The following ARHGAP11B variants were observed in gnomAD, a reference collection of about 807,000 sequenced individuals.
ARHGAP11B encodes the protein inactive Rho GTPase-activating protein 11B.
Under a neutral mutation model 27.6 loss-of-function variants are expected in ARHGAP11B, and 14 were observed. The ratio of observed to expected loss-of-function variants is 0.51; its 90% CI spans 0.34 to 0.79. ARHGAP11B has a LOEUF of 0.79. ARHGAP11B is among the 30% of genes least tolerant of loss of function. The pLI is 0.02. For missense variants in ARHGAP11B, 245 were observed against 320.1 expected (o/e 0.77, Z 1.79); for synonymous variants, 82 against 114.1 (o/e 0.72, Z 1.80).
chr15:30,639,463 T>G (rs903702730), intron 7 of ARHGAP11B, among the ~76,000 whole-genome samples: 1 of 151,610 alleles, frequency 6.6e-6, no homozygotes, highest in Non-Finnish European at 1.5e-5. Flanking sequence ...GTGTTTTAGT[T>G]AAACAACATC....
At chr15:30,626,719 C>G in exon 1 of ARHGAP11B, 1 of 1,491,022 alleles carries the variant, frequency 6.7e-7, no homozygotes, top group Non-Finnish European at 9.0e-7. Flanking sequence ...CGGAAAGCAG[C>G]CGAGCGGAGT....
chr15:30,642,118 A>G (rs1056242840), intron 7 of ARHGAP11B, among the ~76,000 whole-genome samples: 2 of 151,954 alleles, frequency 1.3e-5, no homozygotes, highest in African/African-American at 4.8e-5. Flanking sequence ...AGCTAAATGC[A>G]CCCAAAAGTT....
At chr15:30,646,022 T>C (rs1158082399) in intron 8 of ARHGAP11B, 1 of 219,492 alleles carries the variant, frequency 4.6e-6, no homozygotes, top group Non-Finnish European at 8.0e-6. Flanking sequence ...TTTATCCTCA[T>C]CTTAGTTGTC....
chr15:30,645,618 C>T (rs1049518025), intron 8 of ARHGAP11B, among the ~76,000 whole-genome samples: 1 of 151,996 alleles, frequency 6.6e-6, no homozygotes, highest in Non-Finnish European at 1.5e-5. Flanking sequence ...GGGGGTATCA[C>T]ATTTCCTAGA....
At chr15:30,626,363 C>G (rs2060206181) in exon 1 of ARHGAP11B, 2 of 155,092 alleles carry the variant, frequency 1.3e-5, no homozygotes, top group African/African-American at 2.4e-5. Context: ...GGGGCGAGCG[C>G]CCAGTTGAGC....
intron 8 of ARHGAP11B, among the ~76,000 whole-genome samples, chr15:30,645,352 T>C (rs1364123028): frequency 2.0e-5 from 3 of 151,932 alleles, no homozygotes; most frequent in African/African-American, 7.2e-5. Context: ...TTAAATAAAC[T>C]AGCTAAGGGT....
exon 1 of ARHGAP11B, chr15:30,626,777 G>T (rs760282309): frequency 2.5e-6 from 4 of 1,594,726 alleles, no homozygotes; most frequent in Admixed American, 3.5e-5. Context: ...GGCGAACGAG[G>T]GTCAGGACCT....
chr15:30,635,212 A>G, intron 5 of ARHGAP11B, 24 bp downstream of exon 5: 1 of 1,589,616 alleles, frequency 6.3e-7, no homozygotes, highest in Non-Finnish European at 8.5e-7. Context: ...CTGCAGTAGT[A>G]CAGACTCTTA....
chr15:30,642,678 G>C (rs2060322541), intron 7 of ARHGAP11B, among the ~76,000 whole-genome samples: 1 of 151,946 alleles, frequency 6.6e-6, no homozygotes, highest in Admixed American at 6.6e-5. Context: ...CATTTAGTAA[G>C]TGATGGAGCA....
At chr15:30,633,938 T>C (rs2060262035) in intron 3 of ARHGAP11B, among the ~76,000 whole-genome samples, 1 of 151,776 alleles carries the variant, frequency 6.6e-6, no homozygotes, top group Non-Finnish European at 1.5e-5. Context: ...GGCAGGAAGA[T>C]TGCTTGAGCC....
Position 30,628,079 on chromosome 15 carries a change from C to CTT in ARHGAP11B, c.129+1142_129+1143dup, listed in dbSNP as rs371979874. Reference sequence around the variant, plus strand: ...TTTTCACCCCTTTTCTTTTCTTTTCCTTTTTTTTTTTTTGTTTTTGAGATG... The same window carrying CTT: ...TTTTCACCCCTTTTCTTTTCTTTTCCTTTTTTTTTTTTTTTGTTTTTGAGATG... On this transcript the variant is annotated intron_variant, in intron 1 of 10. Coordinates refer to ENST00000428041, the Ensembl canonical transcript of ARHGAP11B. 9.7e-4 allele frequency among the ~76,000 whole-genome samples: 137 copies of CTT among 141,014 alleles called. 1 individual carries two copies. Among genetic ancestry groups the CTT allele is most frequent in the Non-Finnish European group, 1.3e-3 (83 of 64,850 alleles). 92.5% of individuals were successfully genotyped at this position (141,014 alleles called of 152,430 possible).
At chr15:30,643,073 T>C (rs2060324640) in intron 7 of ARHGAP11B, among the ~76,000 whole-genome samples, 1 of 151,986 alleles carries the variant, frequency 6.6e-6, no homozygotes, top group Non-Finnish European at 1.5e-5. Context: ...AAAGGAAAAA[T>C]AAAACATGAG....
chr15:30,644,626 T>C, intron 7 of ARHGAP11B: 1 of 1,548,792 alleles, frequency 6.5e-7, no homozygotes, highest in South Asian at 1.1e-5. Context: ...GGTTTTATTT[T>C]TTTTAACCAC....
At chr15:30,640,394 C>T (rs2060308339) in intron 7 of ARHGAP11B, among the ~76,000 whole-genome samples, 1 of 121,386 alleles carries the variant, frequency 8.2e-6, no homozygotes, top group African/African-American at 3.1e-5. Flanking sequence ...TGTGGCCAAC[C>T]AGAGCCTTCA....
exon 4 of ARHGAP11B, chr15:30,634,417 C>G (rs915040224): frequency 3.1e-6 from 5 of 1,605,572 alleles, no homozygotes; most frequent in Non-Finnish European, 4.2e-6. Context: ...AGGAATGTTT[C>G]TCTTAGGTAA....
At chr15:30,641,234 A>C (rs1269332752) in intron 7 of ARHGAP11B, among the ~76,000 whole-genome samples, 2 of 152,024 alleles carry the variant, frequency 1.3e-5, no homozygotes, top group African/African-American at 4.8e-5. Context: ...AAAATTGAAA[A>C]TAGATTGATT....
intron 10 of ARHGAP11B, among the ~76,000 whole-genome samples, chr15:30,648,148 C>T (rs2060362762): frequency 6.6e-6 from 1 of 152,004 alleles, no homozygotes; most frequent in South Asian, 2.1e-4. Context: ...ACCCTGATCC[C>T]TGTGTATTAA....
At chr15:30,637,362 T>A (rs1384670773) in intron 6 of ARHGAP11B, among the ~76,000 whole-genome samples, 1 of 152,134 alleles carries the variant, frequency 6.6e-6, no homozygotes, top group East Asian at 1.9e-4. Flanking sequence ...GTTCTACCTC[T>A]TCCTCTACCA....
chr15:30,633,202 A>G (rs1393001084), intron 2 of ARHGAP11B, among the ~76,000 whole-genome samples: 5 of 151,124 alleles, frequency 3.3e-5, no homozygotes, highest in South Asian at 2.1e-4. Context: ...GTAGAGGCAG[A>G]AAAAAAAGAC....
Sources: allele counts gnomAD v4.1 joint callset (sites outside exome capture counted in the v4.1 genomes callset), GRCh38; gene constraint gnomAD v4.1.1; transcripts MANE v1.5; gene names NCBI Gene and HGNC (gene_info 2026-07-23, HGNC 2026-07-21).